The following GNAL variants were observed in gnomAD, a reference collection of about 807,000 sequenced individuals.
GNAL encodes guanine nucleotide-binding protein G(olf) subunit alpha.
Under a neutral mutation model 55.1 loss-of-function variants are expected in GNAL, and 18 were observed. The observed-to-expected ratio is 0.33, with a 90% CI of 0.23 to 0.48. The LOEUF (loss-of-function observed/expected upper bound fraction) is 0.48. GNAL is among the 20% of genes least tolerant of loss of function. The pLI, the probability that GNAL is intolerant of heterozygous loss-of-function variation, is 0.99. For synonymous variants in GNAL, 253 were observed against 237.0 expected (o/e 1.07, Z -0.62); for missense variants, 412 against 614.1 (o/e 0.67, Z 3.48).
chr18:11,762,781 G>A (rs1482339587), intron 4 of GNAL, among the ~76,000 whole-genome samples: 2 of 152,200 alleles, frequency 1.3e-5, no homozygotes, highest in Admixed American at 6.5e-5. Context: ...GATCACTTCC[G>A]AATTCATAAA....
At position 11,884,609 on chromosome 18, in the gene GNAL, CTG is replaced by C; in HGVS notation, c.*3477_*3478del. 6.2e-7 allele frequency: 1 copy of C among 1,613,542 alleles called. No homozygotes were observed. The highest frequency in any genetic ancestry group is 1.3e-5 in the African/African-American group (1 of 74,966). Reference sequence around the variant, plus strand: ...AGGTAGCACTTGGAGAGGGTGTAGTCTGTGGGCGTGATGCTACCCTGGAAAGG... The same window carrying C: ...AGGTAGCACTTGGAGAGGGTGTAGTCTGGGCGTGATGCTACCCTGGAAAGG... On this transcript the variant is annotated 3_prime_UTR_variant, in exon 12 of 12. Transcript: ENST00000334049.
chr18:11,853,532 A>G (rs2035931583), intron 5 of GNAL: 1 of 167,108 alleles, frequency 6.0e-6, no homozygotes, highest in South Asian at 2.1e-4. Flanking sequence ...ATTGTTTCAG[A>G]AAATAATTAT....
At chr18:11,860,861 CG>C (rs931847833) in intron 5 of GNAL, among the ~76,000 whole-genome samples, 2 of 152,102 alleles carry the variant, frequency 1.3e-5, no homozygotes, top group Non-Finnish European at 2.9e-5. Context: ...TGGGACAGAG[CG>C]GGAGGTCAGC....
chr18:11,784,283 C>T (rs570153604), intron 4 of GNAL, among the ~76,000 whole-genome samples: 1 of 152,368 alleles, frequency 6.6e-6, no homozygotes, highest in East Asian at 1.9e-4. Context: ...ATGGGCCTTA[C>T]CCCTAATCTG....
At chr18:11,696,329 C>T (rs8099216) in intron 1 of GNAL, among the ~76,000 whole-genome samples, 53,541 of 151,338 alleles carry the variant, frequency 0.35, 13,034 homozygotes, top group African/African-American at 0.7. Flanking sequence ...GGTGAAACCC[C>T]GTCTCTACTA....
chr18:11,734,149 T>C (rs1309334221), intron 1 of GNAL, among the ~76,000 whole-genome samples: 3 of 117,790 alleles, frequency 2.5e-5, no homozygotes, highest in Non-Finnish European at 5.0e-5. Context: ...TTTCTTTTTC[T>C]TTTTTTTTTT....
chr18:11,882,806 A>G lies in GNAL; in HGVS notation c.*1671A>G, dbSNP rs1399132552. The G allele has an allele frequency of 1.3e-5, 2 of 152,196 alleles. No individual in the cohort carries two copies. The highest frequency in any genetic ancestry group is 2.9e-5 in the Non-Finnish European group (2 of 68,034). 9.4% of individuals were successfully genotyped at this position (152,196 alleles called of 1,614,324 possible). The stretch of plus-strand genomic sequence containing the variant: ...TTACAAAACCTTAATCTGAAGTATA[A>G]AGTCAAAAGATACGGCTCTTTCTCA... On this transcript the variant is annotated 3_prime_UTR_variant, in exon 12 of 12. Coordinates refer to ENST00000334049, the MANE Select transcript of GNAL (RefSeq NM_182978.4).
At chr18:11,776,957 T>C (rs376311388) in intron 4 of GNAL, among the ~76,000 whole-genome samples, 2 of 152,124 alleles carry the variant, frequency 1.3e-5, no homozygotes, top group East Asian at 3.9e-4. Context: ...AATCAATACA[T>C]CATAAAAGCA....
chr18:11,815,992 G>A (rs1307935008), intron 4 of GNAL, among the ~76,000 whole-genome samples: 1 of 152,140 alleles, frequency 6.6e-6, no homozygotes, highest in Non-Finnish European at 1.5e-5. Context: ...TGGTGAGGAT[G>A]TGCAATACTA....
chr18:11,740,563 A>G (rs1438185721), intron 1 of GNAL, among the ~76,000 whole-genome samples: 1 of 152,196 alleles, frequency 6.6e-6, no homozygotes, highest in East Asian at 1.9e-4. Flanking sequence ...TATTTTAAAA[A>G]TCATGAGCTC....
At chr18:11,780,460 A>G (rs757565113) in intron 4 of GNAL, among the ~76,000 whole-genome samples, 2 of 152,208 alleles carry the variant, frequency 1.3e-5, no homozygotes, top group African/African-American at 2.4e-5. Flanking sequence ...CAAAAAATGA[A>G]TGTTTACAGT....
At chr18:11,862,471 C>T in intron 6 of GNAL, 22 bp downstream of exon 6, 1 of 1,511,106 alleles carries the variant, frequency 6.6e-7, no homozygotes, top group Non-Finnish European at 9.2e-7. Context: ...TAGGGTCCCC[C>T]ACCACACACC....
chr18:11,880,851 C>A, intron 11 of GNAL, 138 bp from the exon 12 acceptor site: 2 of 823,278 alleles, frequency 2.4e-6, no homozygotes, highest in Non-Finnish European at 3.8e-6. Flanking sequence ...TGAGACCATT[C>A]CTGCCTCTAA....
At chr18:11,794,061 C>T (rs1384084432) in intron 4 of GNAL, among the ~76,000 whole-genome samples, 1 of 152,142 alleles carries the variant, frequency 6.6e-6, no homozygotes, top group East Asian at 1.9e-4. Context: ...CACTTCACAC[C>T]CACTAGAATT....
chr18:11,884,638 G>A lies in GNAL; in HGVS notation c.*3503G>A, dbSNP rs1217241547. 1.7e-5 allele frequency: 28 copies of A among 1,612,324 alleles called. No individual in the cohort carries two copies. The highest frequency in any genetic ancestry group is 3.3e-5 in the Admixed American group (2 of 59,972). ...GGGCGTGATGCTACCCTGGAAAGGA[G>A]AAGGGAAAGTTATGCTGAGAGCACC... On this transcript the variant is annotated 3_prime_UTR_variant, in exon 12 of 12. Transcript: ENST00000334049.
At chr18:11,726,695 A>G (rs1027050397) in intron 1 of GNAL, among the ~76,000 whole-genome samples, 3 of 152,166 alleles carry the variant, frequency 2.0e-5, no homozygotes, top group South Asian at 2.1e-4. Flanking sequence ...TGCTCTGTTA[A>G]TACCCTCCCA....
chr18:11,749,354 T>A (rs1228061573), intron 1 of GNAL, among the ~76,000 whole-genome samples: 2 of 152,208 alleles, frequency 1.3e-5, no homozygotes, highest in African/African-American at 2.4e-5. Context: ...GAAAAGTAAT[T>A]CATTGCATTT....
rs1385387064 is a variant in GNAL at position 11,788,897 on chromosome 18, G to GGAAAAAAAAAAAA, written c.624+34952_624+34953insGAAAAAAAAAAAA. 5.0e-4 allele frequency among the ~76,000 whole-genome samples: 41 copies of GGAAAAAAAAAAAA among 82,510 alleles called. 4 individuals are homozygous for GGAAAAAAAAAAAA. The highest frequency in any genetic ancestry group is 3.0e-3 in the African/African-American group (40 of 13,326). The allele number at this position is 82,510 out of a possible 152,430, so 54.1% of individuals were successfully genotyped here. A position where few individuals can be genotyped will look rare whatever the true frequency, so the allele number is the denominator to read the frequency against. On this transcript the variant is annotated intron_variant, in intron 4 of 11. Transcript: ENST00000334049. ...AGGAGACAGAGCAAGACTCCGTCTCGAAAAAAAAAAAAAAAAAATATATAT... is the reference window on the plus strand; with the variant it reads ...AGGAGACAGAGCAAGACTCCGTCTCGGAAAAAAAAAAAAAAAAAAAAAAAAAAAAAATATATAT...
chr18:11,801,160 G>C (rs2034510517), intron 4 of GNAL, among the ~76,000 whole-genome samples: 1 of 149,732 alleles, frequency 6.7e-6, no homozygotes, highest in Admixed American at 6.7e-5. Flanking sequence ...CTAAGTGCTT[G>C]ATATACATCA....
Sources: allele counts gnomAD v4.1 joint callset (sites outside exome capture counted in the v4.1 genomes callset), GRCh38; gene constraint gnomAD v4.1.1; transcripts MANE v1.5; gene names NCBI Gene and HGNC (gene_info 2026-07-23, HGNC 2026-07-21).